CD96: variants seen among roughly 807,000 people sequenced by gnomAD.
The protein encoded by CD96 is T-cell surface protein tactile.
CD96 carries 70 observed loss-of-function variants against 71.3 expected under a neutral mutation model. The ratio of observed to expected loss-of-function variants is 0.98; its 90% CI spans 0.81 to 1.20. CD96 has a LOEUF of 1.20. Among genes scored for constraint, CD96 ranks in the 50% most tolerant of loss-of-function variants. The pLI is 0.00. For missense variants in CD96, 742 were observed against 677.5 expected (o/e 1.10, Z -1.06); for synonymous variants, 248 against 233.0 (o/e 1.06, Z -0.59).
At chr3:111,654,047 C>A (rs1940170549), downstream of CD96, among the ~76,000 whole-genome samples, 1 of 152,076 alleles carries the variant, frequency 6.6e-6, no homozygotes, top group Non-Finnish European at 1.5e-5. Flanking sequence ...GGAAGAGGTC[C>A]TTAAAGGTAG....
intron 14 of CD96, among the ~76,000 whole-genome samples, chr3:111,663,209 A>ATC (rs1332765058): frequency 8.5e-5 from 13 of 152,092 alleles, no homozygotes; most frequent in Non-Finnish European, 1.8e-4. Flanking sequence ...AATCTGTGAG[A>ATC]TCTCGTGAGA....
At chr3:111,665,197 G>A (rs557541936) in intron 14 of CD96, among the ~76,000 whole-genome samples, 3,458 of 141,476 alleles carry the variant, frequency 0.024, 129 homozygotes, top group African/African-American at 0.086. Context: ...GTGTGTGTAT[G>A]TGTGTGTGTG....
At chr3:111,657,763 A>AT (rs1347015214) in intron 14 of CD96, among the ~76,000 whole-genome samples, 2 of 151,850 alleles carry the variant, frequency 1.3e-5, no homozygotes, top group Non-Finnish European at 2.9e-5. Flanking sequence ...CAAACTCATG[A>AT]TTTCCACAAT....
chr3:111,659,807 C>G (rs1374410872), intron 14 of CD96, among the ~76,000 whole-genome samples: 1 of 152,056 alleles, frequency 6.6e-6, no homozygotes, highest in South Asian at 2.1e-4. Context: ...ACAGAAAAAG[C>G]TTAAGATAAA....
At chr3:111,616,383 T>C (rs1296620015) in intron 8 of CD96, among the ~76,000 whole-genome samples, 1 of 152,092 alleles carries the variant, frequency 6.6e-6, no homozygotes, top group Non-Finnish European at 1.5e-5. Context: ...GCCATCTGGC[T>C]AGGGCTGATG....
At chr3:111,631,375 A>G (rs780338540) in intron 10 of CD96, among the ~76,000 whole-genome samples, 3 of 152,178 alleles carry the variant, frequency 2.0e-5, no homozygotes, top group Admixed American at 6.5e-5. Context: ...CAGCCAAATC[A>G]TGAATGAATT....
At chr3:111,646,183 T>C (rs1027672432) in intron 12 of CD96, among the ~76,000 whole-genome samples, 1 of 151,940 alleles carries the variant, frequency 6.6e-6, no homozygotes, top group African/African-American at 2.4e-5. Flanking sequence ...TTCACTGGAG[T>C]ATCATTAGCA....
At chr3:111,549,059 T>A (rs556437955) in intron 2 of CD96, among the ~76,000 whole-genome samples, 126 of 152,248 alleles carry the variant, frequency 8.3e-4, no homozygotes, top group African/African-American at 3.0e-3. Flanking sequence ...GAGGAAGTAG[T>A]GTATGAGAGG....
chr3:111,547,319 G>C (rs1934458743), intron 2 of CD96, among the ~76,000 whole-genome samples: 1 of 152,156 alleles, frequency 6.6e-6, no homozygotes, highest in East Asian at 1.9e-4. Flanking sequence ...TATGAGCCCT[G>C]CTCCTTCTTT....
intron 11 of CD96, 126 bp from the exon 12 acceptor site, chr3:111,637,953 A>G (rs185503443): frequency 3.4e-4 from 252 of 734,160 alleles, no homozygotes; most frequent in Admixed American, 5.6e-5. Flanking sequence ...TTTACACATA[A>G]TATTTAAGGG....
At chr3:111,563,387 A>G (rs1469340899) in intron 2 of CD96, among the ~76,000 whole-genome samples, 1 of 152,222 alleles carries the variant, frequency 6.6e-6, no homozygotes, top group Non-Finnish European at 1.5e-5. Flanking sequence ...GTGGAAAAAA[A>G]GCTGCTGGTT....
chr3:111,626,714 T>C (rs977182986), intron 10 of CD96, among the ~76,000 whole-genome samples: 2 of 152,204 alleles, frequency 1.3e-5, no homozygotes, highest in African/African-American at 4.8e-5. Context: ...AAATAAATTG[T>C]AGTATACTAA....
At chr3:111,587,291 T>C (rs1936758449) in intron 5 of CD96, among the ~76,000 whole-genome samples, 1 of 152,238 alleles carries the variant, frequency 6.6e-6, no homozygotes. Flanking sequence ...GCATTGAGTG[T>C]CTGCAGCTTT....
At chr3:111,571,046 T>G (rs893996817) in intron 3 of CD96, 12 of 1,161,514 alleles carry the variant, frequency 1.0e-5, no homozygotes, top group Non-Finnish European at 1.4e-5. Context: ...AGGAGGGAGG[T>G]CCCTCCAGGC....
chr3:111,578,515 A>G (rs1936323087), intron 3 of CD96, among the ~76,000 whole-genome samples: 1 of 152,170 alleles, frequency 6.6e-6, no homozygotes, highest in Non-Finnish European at 1.5e-5. Flanking sequence ...TCAACATTTC[A>G]CTTGCAAGAC....
intron 2 of CD96, among the ~76,000 whole-genome samples, chr3:111,557,049 GTTGT>G (rs1333391455): frequency 8.4e-6 from 1 of 119,414 alleles, no homozygotes; most frequent in Non-Finnish European, 1.6e-5. Context: ...TTTTGATGGG[GTTGT>G]TTGTTTTTTT....
intron 3 of CD96, among the ~76,000 whole-genome samples, chr3:111,570,436 C>T (rs1935924866): frequency 6.6e-6 from 1 of 152,052 alleles, no homozygotes; most frequent in Admixed American, 6.5e-5. Flanking sequence ...GATAAGGTTG[C>T]CAGGATTCCA....
At chr3:111,585,177 T>A (rs1341366485) in intron 4 of CD96, 146 bp from the exon 5 acceptor site, 7 of 282,226 alleles carry the variant, frequency 2.5e-5, no homozygotes, top group African/African-American at 1.6e-4. Context: ...ACAGTGGGCC[T>A]GGCAGTATTA....
At chr3:111,635,194 C>T (rs1939268094) in intron 10 of CD96, 1 of 152,868 alleles carries the variant, frequency 6.5e-6, no homozygotes, top group African/African-American at 2.4e-5. Flanking sequence ...TTTATAATAT[C>T]TTTCTGGTCT....
Sources: gnomAD v4.1 joint callset for allele counts (sites outside exome capture counted in the v4.1 genomes callset) on GRCh38, gnomAD v4.1.1 for gene constraint, MANE v1.5 for transcripts, NCBI Gene and HGNC (gene_info 2026-07-23, HGNC 2026-07-21) for gene names.